Variants in GRID2 observed in about 807,000 individuals in gnomAD.
GRID2 encodes glutamate receptor ionotropic, delta-2.
A neutral mutation model predicts 114.8 loss-of-function variants in GRID2; 33 were observed. The observed-to-expected ratio is 0.29, with a 90% confidence interval of 0.22 to 0.38. The LOEUF is 0.38. GRID2 is among the 10% of genes least tolerant of loss of function. The pLI is 1.00. For missense variants in GRID2, 1,184 were observed against 1,257.7 expected (o/e 0.94, Z 0.89); for synonymous variants, 505 against 449.9 (o/e 1.12, Z -1.55).
Position 92,763,859 on chromosome 4 carries a change from C to A in GRID2, c.244+173573C>A, listed in dbSNP as rs559486831. Among the ~76,000 whole-genome samples the A allele has an allele frequency of 2.6e-5, 4 of 152,182 alleles. No individual in the cohort carries two copies. The South Asian group carries it at 6.2e-4, about 24-fold the overall frequency. ...ACTTTGTATTTTACTCTGAGTGAGA[C>A]TAGAAATCATTTAGGGGTCTAAACA... On this transcript the variant is annotated intron_variant, in intron 2 of 15. Transcript: ENST00000282020.
intron 1 of GRID2, among the ~76,000 whole-genome samples, chr4:92,466,450 T>A (rs1721755980): frequency 6.6e-6 from 1 of 151,882 alleles, no homozygotes. Context: ...TTGTTTTGAT[T>A]TTTAGATACC....
intron 2 of GRID2, among the ~76,000 whole-genome samples, chr4:92,866,833 G>A (rs1158606926): frequency 6.6e-6 from 1 of 152,054 alleles, no homozygotes; most frequent in Non-Finnish European, 1.5e-5. Flanking sequence ...TTGTAGGCGT[G>A]AGCCACCGCT....
chr4:92,683,106 T>C (rs1163746350), intron 2 of GRID2, among the ~76,000 whole-genome samples: 1 of 152,174 alleles, frequency 6.6e-6, no homozygotes, highest in Non-Finnish European at 1.5e-5. Context: ...AAGACCATCC[T>C]GGCTAACACG....
At chr4:93,239,088 T>A (rs1235061827) in intron 8 of GRID2, among the ~76,000 whole-genome samples, 1 of 149,364 alleles carries the variant, frequency 6.7e-6, no homozygotes, top group African/African-American at 2.4e-5. Context: ...ATATAAATGA[T>A]GTTTCTATAA....
At chr4:92,477,775 A>G (rs1722389366) in intron 1 of GRID2, among the ~76,000 whole-genome samples, 1 of 147,630 alleles carries the variant, frequency 6.8e-6, no homozygotes, top group African/African-American at 2.5e-5. Flanking sequence ...TCTTTTATAT[A>G]TATTAATTAT....
At chr4:93,667,348 C>A (rs573197859) in intron 14 of GRID2, among the ~76,000 whole-genome samples, 1 of 151,228 alleles carries the variant, frequency 6.6e-6, no homozygotes, top group East Asian at 1.9e-4. Context: ...TAACCAAGTA[C>A]ATCCAGGTAT....
intron 14 of GRID2, among the ~76,000 whole-genome samples, chr4:93,766,698 C>T (rs1270360485): frequency 6.6e-6 from 1 of 152,124 alleles, no homozygotes; most frequent in African/African-American, 2.4e-5. Flanking sequence ...ATTATTTGTT[C>T]AAAGATGACT....
intron 2 of GRID2, among the ~76,000 whole-genome samples, chr4:92,927,419 C>T (rs888372216): frequency 6.6e-6 from 1 of 151,782 alleles, no homozygotes. Context: ...AGTGTGTCAG[C>T]ATTTTCTTGT....
rs549232035 is a variant in GRID2 at position 93,436,852 on chromosome 4, G to A, written c.1545+13884G>A. 2.0e-5 allele frequency among the ~76,000 whole-genome samples: 3 copies of A among 152,222 alleles called. No homozygotes were observed. The South Asian group carries it at 6.2e-4, about 32-fold the overall frequency. On this transcript the variant is annotated intron_variant, in intron 10 of 15. Coordinates refer to ENST00000282020, the MANE Select transcript of GRID2 (RefSeq NM_001510.4). Reference sequence around the variant, plus strand: ...CTTAGAGTTTCAAAAGGAGAAACTAGTAGGCAGTATAAATCCGAAAGCAAA... The same window carrying A: ...CTTAGAGTTTCAAAAGGAGAAACTAATAGGCAGTATAAATCCGAAAGCAAA...
At chr4:93,374,954 G>C (rs1763236338) in intron 8 of GRID2, among the ~76,000 whole-genome samples, 1 of 152,048 alleles carries the variant, frequency 6.6e-6, no homozygotes, top group Admixed American at 6.6e-5. Flanking sequence ...GAATTTTAGT[G>C]CTTCTCTATT....
chr4:92,619,865 C>T (rs1040226528), intron 2 of GRID2, among the ~76,000 whole-genome samples: 12 of 151,304 alleles, frequency 7.9e-5, no homozygotes, highest in African/African-American at 2.9e-4. Flanking sequence ...TGCTGAGCTC[C>T]TTATTTGGCC....
At chr4:92,939,430 A>T (rs1463530711) in intron 2 of GRID2, among the ~76,000 whole-genome samples, 1 of 146,452 alleles carries the variant, frequency 6.8e-6, no homozygotes, top group Non-Finnish European at 1.5e-5. Flanking sequence ...TTTTCTTGTA[A>T]ATTTGTTTGA....
chr4:93,476,500 A>G (rs893506472), intron 11 of GRID2, among the ~76,000 whole-genome samples: 4 of 152,134 alleles, frequency 2.6e-5, no homozygotes, highest in African/African-American at 9.6e-5. Context: ...GCTTTTTACG[A>G]TACATTTAAG....
At chr4:92,358,306 T>A (rs746798654) in intron 1 of GRID2, among the ~76,000 whole-genome samples, 1 of 151,948 alleles carries the variant, frequency 6.6e-6, no homozygotes, top group Non-Finnish European at 1.5e-5. Context: ...TGATCGGACA[T>A]ACTATATATA....
chr4:92,764,593 T>C (rs186130471), intron 2 of GRID2, among the ~76,000 whole-genome samples: 4 of 152,324 alleles, frequency 2.6e-5, no homozygotes, highest in Admixed American at 2.6e-4. Context: ...CACTCCGTAT[T>C]ACCCTGTCAT....
At chr4:93,451,133 A>G (rs1218435989) in intron 10 of GRID2, among the ~76,000 whole-genome samples, 1 of 152,090 alleles carries the variant, frequency 6.6e-6, no homozygotes, top group South Asian at 2.1e-4. Flanking sequence ...CATGAATTCT[A>G]TGCCAGAAAA....
At chr4:93,146,702 TA>T (rs60521618) in intron 4 of GRID2, among the ~76,000 whole-genome samples, 136,318 of 151,080 alleles carry the variant, frequency 0.9, 61,566 homozygotes, top group Middle Eastern at 0.99. Context: ...CTAAGTGATT[TA>T]AAAAAAAAAA....
intron 4 of GRID2, among the ~76,000 whole-genome samples, chr4:93,134,110 A>G (rs1735035337): frequency 6.6e-6 from 1 of 152,124 alleles, no homozygotes; most frequent in Non-Finnish European, 1.5e-5. Context: ...TGTCATTGAA[A>G]GGCCACATTA....
At position 93,697,867 on chromosome 4, in the gene GRID2, G is replaced by GTATATATATATATATATATATA. The variant is rs1336222146; in HGVS notation, c.2361-71342_2361-71341insATATATATATATATATATATAT. On this transcript the variant is annotated intron_variant, in intron 14 of 15. Coordinates refer to ENST00000282020, the MANE Select transcript of GRID2 (RefSeq NM_001510.4). ...GCTCAATTTAGTCATTCCACAATGT[G>GTATATATATATATATATATATA]TGTATATATATATTTCAAAACAATA... Among the ~76,000 whole-genome samples the GTATATATATATATATATATATA allele has an allele frequency of 6.5e-3, 548 of 83,814 alleles. 6 individuals are homozygous for GTATATATATATATATATATATA. The highest frequency in any genetic ancestry group is 0.018 in the African/African-American group (522 of 29,372). 55.0% of individuals were successfully genotyped at this position (83,814 alleles called of 152,430 possible).
Sources: allele counts gnomAD v4.1 joint callset (sites outside exome capture counted in the v4.1 genomes callset), GRCh38; gene constraint gnomAD v4.1.1; transcripts MANE v1.5; gene names NCBI Gene and HGNC (gene_info 2026-07-23, HGNC 2026-07-21).